PRKD3: variants seen among roughly 807,000 people sequenced by gnomAD.
PRKD3 encodes the protein protein kinase D3, also known as serine/threonine-protein kinase D3.
In PRKD3, 47 loss-of-function variants were observed where a neutral mutation model predicts 99.2. The observed-to-expected ratio is 0.47, with a 90% CI of 0.38 to 0.60. The LOEUF (loss-of-function observed/expected upper bound fraction) is 0.60. Ranked by LOEUF, PRKD3 falls within the 20% of genes least tolerant of loss-of-function variation. The pLI is 0.00. For synonymous variants in PRKD3, 392 were observed against 355.4 expected (o/e 1.10, Z -1.16); for missense variants, 1,019 against 1,088.4 (o/e 0.94, Z 0.90).
At chr2:37,321,994 A>G (rs746454952) in intron 1 of PRKD3, among the ~76,000 whole-genome samples, 28 of 152,230 alleles carry the variant, frequency 1.8e-4, no homozygotes, top group African/African-American at 5.1e-4. Context: ...TGGAATAACA[A>G]TATTTATTAT....
intron 14 of PRKD3, among the ~76,000 whole-genome samples, chr2:37,261,634 G>T (rs538837927): frequency 6.7e-6 from 1 of 150,238 alleles, no homozygotes; most frequent in South Asian, 2.1e-4. Context: ...TACAAAATTA[G>T]CCGGGTGTGG....
chr2:37,311,710 T>C (rs1671431883), intron 2 of PRKD3, among the ~76,000 whole-genome samples: 1 of 152,214 alleles, frequency 6.6e-6, no homozygotes, highest in Non-Finnish European at 1.5e-5. Context: ...CGGGACAAAA[T>C]ATACAATTTC....
chr2:37,281,067 C>T (rs1669837376), intron 7 of PRKD3, among the ~76,000 whole-genome samples: 1 of 152,270 alleles, frequency 6.6e-6, no homozygotes, highest in South Asian at 2.1e-4. Flanking sequence ...TACCACTTCG[C>T]ACTACCTAGG....
At position 37,259,194 on chromosome 2, in the gene PRKD3, T is replaced by G. The variant is rs77943902; in HGVS notation, c.2145+389A>C. 4.2e-3 allele frequency among the ~76,000 whole-genome samples: 641 copies of G among 152,296 alleles called. 39 individuals are homozygous for G. In the East Asian group the frequency reaches 0.1, roughly 25 times the overall value. On this transcript the variant is annotated intron_variant, in intron 16 of 18. Coordinates refer to ENST00000234179, the MANE Select transcript of PRKD3 (RefSeq NM_005813.6). ...GGTTGTTTGAATACAATACTCTACA[T>G]AGAAAAAGGAGGTGGCTGCCTGCCT...
intron 2 of PRKD3, among the ~76,000 whole-genome samples, chr2:37,301,778 C>G (rs967799706): frequency 1.1e-4 from 17 of 152,180 alleles, no homozygotes; most frequent in African/African-American, 3.6e-4. Context: ...AGAAAAGCAG[C>G]AGAGGTGATG....
chr2:37,256,742 T>C lies in PRKD3; in HGVS notation c.2333A>G (p.Glu778Gly), dbSNP rs1416304907. The change falls in exon 17 of 19, where the codon GAG (glutamate) becomes GGG (glycine). Residue 778 changes from glutamate to glycine, a missense_variant. Physicochemically the swap from Glu to Gly is moderately conservative, Grantham distance 98. Transcript: ENST00000234179. ...VSLSGTFPFNEDEDINDQIQN... is the reference protein window; with the variant it reads ...VSLSGTFPFNGDEDINDQIQN... ...GATTTGGTCATTTATATCTTCATCC[T>C]CATTAAAAGGAAATGTGCCACTGAG... 6.2e-7 allele frequency: 1 copy of C among 1,608,676 alleles called. No individual in the cohort carries two copies. Among genetic ancestry groups the C allele is most frequent in the Non-Finnish European group, 8.5e-7 (1 of 1,177,684 alleles).
At chr2:37,290,023 T>C (rs1670323854) in intron 4 of PRKD3, among the ~76,000 whole-genome samples, 1 of 152,214 alleles carries the variant, frequency 6.6e-6, no homozygotes, top group Non-Finnish European at 1.5e-5. Flanking sequence ...TGTCTATGAT[T>C]GGTTTCATAC....
At chr2:37,313,024 T>C (rs1671505309) in intron 2 of PRKD3, among the ~76,000 whole-genome samples, 1 of 152,244 alleles carries the variant, frequency 6.6e-6, no homozygotes, top group Non-Finnish European at 1.5e-5. Context: ...TATACTGTTC[T>C]AAGGTATATA....
rs765625939 is a variant in PRKD3, at chr2:37,269,573, T to G, written c.1777+42A>C. 1.9e-6 allele frequency: 3 copies of G among 1,539,810 alleles called. No individual in the cohort carries two copies. The South Asian group carries it at 3.4e-5, about 17-fold the overall frequency. Reference sequence around the variant, plus strand: ...CAGATGTTTTACATTTTCCAGTTTTTAAAATAATGTGTACAATATGCAAAC... The same window carrying G: ...CAGATGTTTTACATTTTCCAGTTTTGAAAATAATGTGTACAATATGCAAAC... On this transcript the variant is annotated intron_variant, in intron 13 of 18. Transcript: ENST00000234179.
rs79507913 is a variant in PRKD3, at chr2:37,310,450, A to G, written c.288+5787T>C. On this transcript the variant is annotated intron_variant, in intron 2 of 18. Transcript: ENST00000234179. ...ACAAGGAATCAAGATTACACAACTA[A>G]TAAGTGGTAGAAATGAACTCCAGTT... 4.6e-3 allele frequency among the ~76,000 whole-genome samples: 706 copies of G among 152,300 alleles called. 6 individuals are homozygous for G. Among genetic ancestry groups the G allele is most frequent in the African/African-American group, 0.015 (641 of 41,568 alleles).
At chr2:37,262,928 A>C (rs1022860584) in intron 14 of PRKD3, among the ~76,000 whole-genome samples, 2 of 146,108 alleles carry the variant, frequency 1.4e-5, no homozygotes, top group Non-Finnish European at 3.0e-5. Context: ...TCTCCCTAAG[A>C]TCATTTTGTA....
chr2:37,277,751 G>A, intron 9 of PRKD3, 115 bp downstream of exon 9: 1 of 1,052,888 alleles, frequency 9.5e-7, no homozygotes, highest in Admixed American at 2.8e-5. Context: ...ACAAATTGCT[G>A]TGGTGTATAT....
At position 37,289,475 on chromosome 2, in the gene PRKD3, T is replaced by C. The variant is rs754596742; in HGVS notation, c.598A>G (p.Ile200Val). ...LNYHKRCAFK[I>V]PNNCSGVRKR... is the part of the protein sequence containing the mutation. ...CTTACTCCACTACAGTTATTTGGAA[T>C]CTTGAAGGCACATCGTTTATGGTAA... The change falls in exon 5 of 19, where the codon ATT (isoleucine) becomes GTT (valine). Residue 200 changes from isoleucine (I) to valine (V), a missense_variant. Coordinates refer to ENST00000234179, the MANE Select transcript of PRKD3 (RefSeq NM_005813.6). 1 of 1,613,688 alleles carries C rather than the reference T, an allele frequency of 6.2e-7. No individual in the cohort carries two copies. Among genetic ancestry groups the C allele is most frequent in the Non-Finnish European group, 8.5e-7 (1 of 1,179,640 alleles).
intron 2 of PRKD3, among the ~76,000 whole-genome samples, chr2:37,312,037 A>C (rs954048553): frequency 6.6e-6 from 1 of 152,210 alleles, no homozygotes; most frequent in African/African-American, 2.4e-5. Context: ...GCCTATTGTA[A>C]AAGATTTTTT....
rs1667482068 is a variant in PRKD3 at position 37,251,422 on chromosome 2, T to C, written c.*1755A>G. Reference sequence around the variant, plus strand: ...ATCTCCCCTTGCCTCAGTTTTCTTATCTTTAAGATGAAGCTCATAATGACT... The same window carrying C: ...ATCTCCCCTTGCCTCAGTTTTCTTACCTTTAAGATGAAGCTCATAATGACT... On this transcript the variant is annotated 3_prime_UTR_variant, in exon 19 of 19. Transcript: ENST00000234179. 1 of 152,568 alleles carries C rather than the reference T, an allele frequency of 6.6e-6. No individual in the cohort carries two copies. The highest frequency in any genetic ancestry group is 6.6e-5 in the Admixed American group (1 of 15,262). The allele number at this position is 152,568 out of a possible 1,614,324, so 9.5% of individuals were successfully genotyped here.
At chr2:37,253,383 A>G in intron 18 of PRKD3, 33 bp from the exon 19 acceptor site, 2 of 1,555,326 alleles carry the variant, frequency 1.3e-6, no homozygotes, top group South Asian at 1.2e-5. Flanking sequence ...TGATGAAACA[A>G]AAGAAACAAA....
At chr2:37,292,362 T>G (rs1188876334) in intron 3 of PRKD3, among the ~76,000 whole-genome samples, 1 of 151,934 alleles carries the variant, frequency 6.6e-6, no homozygotes, top group East Asian at 1.9e-4. Flanking sequence ...TTTTTTTTTT[T>G]TGAGACAGAG....
At chr2:37,299,238 T>C (rs1670806031) in intron 2 of PRKD3, among the ~76,000 whole-genome samples, 1 of 152,190 alleles carries the variant, frequency 6.6e-6, no homozygotes, top group African/African-American at 2.4e-5. Context: ...GTTTAATGAT[T>C]TGCGTATGCT....
intron 1 of PRKD3, chr2:37,324,100 G>A (rs1212154123): frequency 1.4e-5 from 12 of 881,014 alleles, no homozygotes; most frequent in Admixed American, 6.2e-5. Flanking sequence ...AAACCTCCCA[G>A]GAGGGAGCAA....
Sources: gnomAD v4.1 joint callset for allele counts (sites outside exome capture counted in the v4.1 genomes callset) on GRCh38, gnomAD v4.1.1 for gene constraint, MANE v1.5 for transcripts, NCBI Gene and HGNC (gene_info 2026-07-23, HGNC 2026-07-21) for gene names.